SPTLC3: variants seen among roughly 807,000 people sequenced by gnomAD.
SPTLC3 encodes the protein serine palmitoyltransferase 3.
SPTLC3 carries 36 observed loss-of-function variants against 59.3 expected under a neutral mutation model. The ratio of observed to expected loss-of-function variants is 0.61; its 90% confidence interval spans 0.47 to 0.80. The LOEUF (loss-of-function observed/expected upper bound fraction) is 0.80. SPTLC3 is among the 30% of genes least tolerant of loss of function. SPTLC3 has a pLI of 0.00. For synonymous variants in SPTLC3, 257 were observed against 240.8 expected (o/e 1.07, Z -0.62); for missense variants, 625 against 685.1 (o/e 0.91, Z 0.98).
intron 2 of SPTLC3, among the ~76,000 whole-genome samples, chr20:13,068,307 A>T (rs1988305223): frequency 6.6e-6 from 1 of 152,206 alleles, no homozygotes. Context: ...ATATCTAGCC[A>T]TTTGTATAGA....
intron 9 of SPTLC3, among the ~76,000 whole-genome samples, chr20:13,146,487 T>C (rs1282055705): frequency 6.6e-6 from 1 of 152,198 alleles, no homozygotes; most frequent in Non-Finnish European, 1.5e-5. Flanking sequence ...CAGCTTCCCA[T>C]ATTAGCTCAT....
chr20:13,160,221 G>A (rs935499951), intron 11 of SPTLC3, 89 bp downstream of exon 11: 2 of 1,441,862 alleles, frequency 1.4e-6, no homozygotes, highest in Admixed American at 4.6e-5. Flanking sequence ...GGGTTCTCTG[G>A]GTTTCTCTTG....
In SPTLC3 at chr20:13,154,061, G is replaced by A; in HGVS notation, c.1338G>A (p.Gln446=). ...KNTRYFRQRL[Q]EMGFIIYGNE... ...CAAGATACTTCAGACAAAGACTGCA[G>A]GAAATGGGATTCATTATCTATGGCA... Residue 446 remains glutamine, a synonymous_variant, in exon 10 of 12, where the codon CAG becomes CAA. Transcript: ENST00000399002. The A allele has an allele frequency of 6.2e-7, 1 of 1,614,154 alleles. No individual in the cohort carries two copies. Among genetic ancestry groups the A allele is most frequent in the Non-Finnish European group, 8.5e-7 (1 of 1,179,994 alleles).
chr20:13,163,287 G>T (rs933987926), intron 11 of SPTLC3, among the ~76,000 whole-genome samples: 4 of 147,676 alleles, frequency 2.7e-5, no homozygotes, highest in African/African-American at 1.0e-4. Context: ...AGAATCACTT[G>T]AACCCGGGAG....
chr20:13,117,467 G>A, intron 7 of SPTLC3, 39 bp from the exon 8 acceptor site: 1 of 1,522,164 alleles, frequency 6.6e-7, no homozygotes, highest in Non-Finnish European at 8.8e-7. Context: ...TTCCCAGGAG[G>A]GTATTTGTTA....
chr20:13,127,433 C>T (rs373044444), intron 9 of SPTLC3, among the ~76,000 whole-genome samples: 2 of 152,134 alleles, frequency 1.3e-5, no homozygotes. Context: ...TTATCCTGGC[C>T]ACTGGACTGT....
intron 2 of SPTLC3, among the ~76,000 whole-genome samples, chr20:13,056,069 G>T (rs1337869005): frequency 6.6e-6 from 1 of 152,136 alleles, no homozygotes; most frequent in African/African-American, 2.4e-5. Flanking sequence ...AGCAACTAGG[G>T]GAATGGATGC....
At chr20:13,014,235 G>T (rs1426463653) in intron 1 of SPTLC3, among the ~76,000 whole-genome samples, 1 of 152,190 alleles carries the variant, frequency 6.6e-6, no homozygotes, top group Non-Finnish European at 1.5e-5. Flanking sequence ...AGGTTGTAAG[G>T]GATTGGAGAG....
chr20:13,009,125 T>G lies in SPTLC3; in HGVS notation c.-143T>G. 1.5e-6 allele frequency: 1 copy of G among 673,416 alleles called. No individual in the cohort carries two copies. The allele number at this position is 673,416 out of a possible 1,614,324, so 41.7% of individuals were successfully genotyped here. ...CTGACAAAAAGATAGGCTGTTGCTCTTCTTCTGGAAAAGCCTGATTGGTAA... is the reference window on the plus strand; with the variant it reads ...CTGACAAAAAGATAGGCTGTTGCTCGTCTTCTGGAAAAGCCTGATTGGTAA... On this transcript the variant is annotated 5_prime_UTR_variant, in exon 1 of 12. Coordinates refer to ENST00000399002, the MANE Select transcript of SPTLC3 (RefSeq NM_018327.4).
intron 6 of SPTLC3, among the ~76,000 whole-genome samples, chr20:13,102,294 G>GCT (rs774625185): frequency 0.45 from 68,524 of 151,736 alleles, 18,498 homozygotes; most frequent in African/African-American, 0.78. Flanking sequence ...ATAATTAAAA[G>GCT]GTATTGAGCC....
At chr20:13,153,484 A>G (rs2038696027) in intron 9 of SPTLC3, among the ~76,000 whole-genome samples, 1 of 152,184 alleles carries the variant, frequency 6.6e-6, no homozygotes, top group African/African-American at 2.4e-5. Context: ...AGCAGGACTT[A>G]TCTTTGTCTA....
chr20:13,074,952 C>A (rs1041320741), intron 4 of SPTLC3, among the ~76,000 whole-genome samples: 1 of 152,156 alleles, frequency 6.6e-6, no homozygotes, highest in Admixed American at 6.5e-5. Flanking sequence ...AGCAGACGAG[C>A]AGCCTGCCTC....
At chr20:13,141,121 G>A (rs2038372599) in intron 9 of SPTLC3, among the ~76,000 whole-genome samples, 1 of 152,204 alleles carries the variant, frequency 6.6e-6, no homozygotes, top group Non-Finnish European at 1.5e-5. Context: ...AGTACACTGG[G>A]TGATAGAAAT....
At chr20:13,020,680 C>G (rs991370213) in intron 1 of SPTLC3, among the ~76,000 whole-genome samples, 2 of 152,100 alleles carry the variant, frequency 1.3e-5, no homozygotes, top group Admixed American at 1.3e-4. Flanking sequence ...TTCGCACTCC[C>G]GCACCCCTTA....
intron 9 of SPTLC3, among the ~76,000 whole-genome samples, chr20:13,130,039 A>G (rs1157861688): frequency 2.0e-5 from 3 of 152,240 alleles, no homozygotes; most frequent in Non-Finnish European, 4.4e-5. Flanking sequence ...TTTCAAAGAA[A>G]CAAAGGAAAG....
At chr20:13,014,294 G>A (rs921380640) in intron 1 of SPTLC3, among the ~76,000 whole-genome samples, 1 of 152,292 alleles carries the variant, frequency 6.6e-6, no homozygotes, top group Admixed American at 6.5e-5. Context: ...GAAATATATG[G>A]ACCTTGCATG....
At chr20:13,061,941 G>C (rs1282000401) in intron 2 of SPTLC3, among the ~76,000 whole-genome samples, 1 of 152,108 alleles carries the variant, frequency 6.6e-6, no homozygotes, top group African/African-American at 2.4e-5. Flanking sequence ...AGAGCTGCCA[G>C]AGACTCTGCA....
intron 10 of SPTLC3, among the ~76,000 whole-genome samples, chr20:13,155,923 G>A (rs1416826899): frequency 6.6e-6 from 1 of 152,172 alleles, no homozygotes; most frequent in African/African-American, 2.4e-5. Flanking sequence ...ATTGCATGAA[G>A]TATCTGAGGA....
At chr20:13,133,052 C>G (rs773486243) in intron 9 of SPTLC3, 1 of 152,404 alleles carries the variant, frequency 6.6e-6, no homozygotes, top group African/African-American at 2.4e-5. Flanking sequence ...ATCATTCTCT[C>G]TCTTTGAAAA....
Sources: gnomAD v4.1 joint callset for allele counts (sites outside exome capture counted in the v4.1 genomes callset) on GRCh38, gnomAD v4.1.1 for gene constraint, MANE v1.5 for transcripts, NCBI Gene and HGNC (gene_info 2026-07-23, HGNC 2026-07-21) for gene names.